Variants in EXT2 observed in about 807,000 individuals in gnomAD.
EXT2 encodes the protein exostosin-2.
A neutral mutation model predicts 81.6 loss-of-function variants in EXT2; 53 were observed. The ratio of observed to expected loss-of-function variants is 0.65; its 90% CI spans 0.52 to 0.82. The LOEUF is 0.82. Ranked by LOEUF, EXT2 falls within the 40% of genes least tolerant of loss-of-function variation. The probability of loss-of-function intolerance (pLI) is 0.00; values close to 1 mark genes in which losing one functional copy is unlikely to be tolerated. For missense variants in EXT2, 774 were observed against 910.2 expected (o/e 0.85, Z 1.93); for synonymous variants, 320 against 340.0 (o/e 0.94, Z 0.65).
chr11:44,149,205 T>A (rs1448498736), intron 7 of EXT2, among the ~76,000 whole-genome samples: 1 of 151,890 alleles, frequency 6.6e-6, no homozygotes, highest in South Asian at 2.1e-4. Context: ...CTACAGAAAA[T>A]GAAAAACTTA....
intron 7 of EXT2, among the ~76,000 whole-genome samples, chr11:44,159,525 A>G (rs1187972737): frequency 6.6e-6 from 1 of 151,998 alleles, no homozygotes; most frequent in Non-Finnish European, 1.5e-5. Context: ...CTCTGTTTAC[A>G]TTATTCATCT....
chr11:44,247,907 G>A lies in EXT2; in HGVS notation c.*3620G>A, dbSNP rs1956109286. On this transcript the variant is annotated 3_prime_UTR_variant, in exon 14 of 14. Transcript: ENST00000533608. ...GCCACAGGTTCTGAAGTTGATTTGAGGTTAAAATCCAAGAACCTTTGATAG... is the reference window on the plus strand; with the variant it reads ...GCCACAGGTTCTGAAGTTGATTTGAAGTTAAAATCCAAGAACCTTTGATAG... 6.6e-6 allele frequency among the ~76,000 whole-genome samples: 1 copy of A among 152,188 alleles called. No homozygotes were observed. Among genetic ancestry groups the A allele is most frequent in the South Asian group, 2.1e-4 (1 of 4,828 alleles).
intron 1 of EXT2, chr11:44,096,395 A>G (rs547982536): frequency 7.2e-7 from 1 of 1,382,986 alleles, no homozygotes. Flanking sequence ...GGACTGGGTG[A>G]CCGGGAACTA....
intron 10 of EXT2, among the ~76,000 whole-genome samples, chr11:44,211,161 C>G (rs1302053073): frequency 6.6e-6 from 1 of 152,090 alleles, no homozygotes; most frequent in Admixed American, 6.5e-5. Context: ...CATGTATGGC[C>G]TTGTACACTG....
chr11:44,112,719 A>G (rs1398293314), intron 3 of EXT2, among the ~76,000 whole-genome samples: 4 of 152,138 alleles, frequency 2.6e-5, no homozygotes, highest in African/African-American at 9.7e-5. Context: ...CTGCTTTCCT[A>G]CTGCCAGTGC....
At chr11:44,183,537 C>T (rs1301117892) in intron 8 of EXT2, among the ~76,000 whole-genome samples, 1 of 152,030 alleles carries the variant, frequency 6.6e-6, no homozygotes, top group Non-Finnish European at 1.5e-5. Context: ...GCAATTCTCA[C>T]TAATCTTTCC....
At chr11:44,154,251 C>T (rs1954830941) in intron 7 of EXT2, among the ~76,000 whole-genome samples, 1 of 152,038 alleles carries the variant, frequency 6.6e-6, no homozygotes, top group Admixed American at 6.6e-5. Flanking sequence ...TTCTATCTAA[C>T]TATATTTTTG....
At chr11:44,132,214 G>A (rs1414864685) in intron 7 of EXT2, among the ~76,000 whole-genome samples, 1 of 152,238 alleles carries the variant, frequency 6.6e-6, no homozygotes, top group African/African-American at 2.4e-5. Flanking sequence ...CCCTGAAGCT[G>A]TGAAAGAGAA....
At chr11:44,243,718 AG>A (rs983684579) in intron 13 of EXT2, among the ~76,000 whole-genome samples, 4 of 142,958 alleles carry the variant, frequency 2.8e-5, no homozygotes, top group African/African-American at 7.9e-5. Flanking sequence ...AGATCCAAGT[AG>A]TTTTTTTTCT....
At chr11:44,226,411 C>T (rs904754576) in intron 10 of EXT2, among the ~76,000 whole-genome samples, 2 of 152,190 alleles carry the variant, frequency 1.3e-5, no homozygotes, top group Non-Finnish European at 2.9e-5. Context: ...CTTCTGGGCT[C>T]CTTGGCTGTA....
At chr11:44,122,094 C>T (rs560120173) in intron 4 of EXT2, among the ~76,000 whole-genome samples, 1 of 152,260 alleles carries the variant, frequency 6.6e-6, no homozygotes, top group East Asian at 1.9e-4. Flanking sequence ...GGGTAGAACA[C>T]TAGTTTTGTG....
chr11:44,219,853 C>G (rs1188211000), intron 10 of EXT2, among the ~76,000 whole-genome samples: 1 of 152,216 alleles, frequency 6.6e-6, no homozygotes, highest in Admixed American at 6.5e-5. Context: ...AAGTACATAC[C>G]TGCAGTGCAT....
chr11:44,127,753 C>T (rs925573421), intron 6 of EXT2, among the ~76,000 whole-genome samples: 2 of 151,948 alleles, frequency 1.3e-5, no homozygotes, highest in Non-Finnish European at 2.9e-5. Flanking sequence ...TGTTAAAGCT[C>T]CCAGGTGATT....
chr11:44,226,777 T>C (rs528038653), intron 10 of EXT2, among the ~76,000 whole-genome samples: 11 of 152,392 alleles, frequency 7.2e-5, no homozygotes, highest in Middle Eastern at 3.4e-3. Context: ...GGATTCCTTG[T>C]GCTCTGTCTT....
chr11:44,195,095 A>C (rs1485482125), intron 8 of EXT2, among the ~76,000 whole-genome samples: 1 of 152,210 alleles, frequency 6.6e-6, no homozygotes, highest in Non-Finnish European at 1.5e-5. Context: ...CTACAGCTTA[A>C]TATCAAAGTG....
rs746796046 is a variant in EXT2, at chr11:44,245,162, A to G, written c.*875A>G. 7.0e-5 allele frequency: 16 copies of G among 229,510 alleles called. No homozygotes were observed. The highest frequency in any genetic ancestry group is 1.3e-4 in the Non-Finnish European group (15 of 115,484). 14.2% of individuals were successfully genotyped at this position (229,510 alleles called of 1,614,324 possible). ...AGAGGAATCTGTTTGCTTCCTGATT[A>G]GATCCAGTCAATGTTTTAAAGGTAT... On this transcript the variant is annotated 3_prime_UTR_variant, in exon 14 of 14. Transcript: ENST00000533608.
At chr11:44,186,100 G>A (rs1052415201) in intron 8 of EXT2, among the ~76,000 whole-genome samples, 4 of 152,128 alleles carry the variant, frequency 2.6e-5, no homozygotes, top group Admixed American at 6.5e-5. Flanking sequence ...GAAGTAGCAG[G>A]TCCAAGGATG....
At chr11:44,219,914 C>G (rs1955764482) in intron 10 of EXT2, among the ~76,000 whole-genome samples, 1 of 152,252 alleles carries the variant, frequency 6.6e-6, no homozygotes, top group African/African-American at 2.4e-5. Flanking sequence ...TCAGTGGGAA[C>G]TAGCACCTTA....
chr11:44,115,672 A>G (rs944990377), intron 4 of EXT2, among the ~76,000 whole-genome samples: 1 of 152,250 alleles, frequency 6.6e-6, no homozygotes, highest in Admixed American at 6.5e-5. Context: ...CCTGGAGACC[A>G]TTAGAACCAT....
Sources: gnomAD v4.1 joint callset for allele counts (sites outside exome capture counted in the v4.1 genomes callset) on GRCh38, gnomAD v4.1.1 for gene constraint, MANE v1.5 for transcripts, NCBI Gene and HGNC (gene_info 2026-07-23, HGNC 2026-07-21) for gene names.